The following DOCK7 variants were observed in gnomAD, a reference collection of about 807,000 sequenced individuals.
DOCK7 encodes the protein dedicator of cytokinesis protein 7.
DOCK7 carries 138 observed loss-of-function variants against 271.0 expected under a neutral mutation model. That is an observed-to-expected ratio of 0.51 (90% CI 0.44 to 0.59). DOCK7 has a LOEUF of 0.59. DOCK7 is among the 20% of genes least tolerant of loss of function. The probability of loss-of-function intolerance (pLI) is 0.00; values close to 1 mark genes in which losing one functional copy is unlikely to be tolerated. For missense variants in DOCK7, 2,066 were observed against 2,592.4 expected, an observed-to-expected ratio of 0.80 and a Z score of 4.41; for synonymous variants, 823 against 876.1, an observed-to-expected ratio of 0.94 and a Z score of 1.07.
intron 3 of DOCK7, 84 bp from the exon 4 acceptor site, chr1:62,653,877 C>T (rs181827088): frequency 4.2e-5 from 62 of 1,473,316 alleles, no homozygotes; most frequent in Non-Finnish European, 3.8e-5. Flanking sequence ...TCGCTGTTTG[C>T]GTAACAGGAA....
intron 18 of DOCK7, among the ~76,000 whole-genome samples, chr1:62,575,140 C>T (rs568392988): frequency 2.0e-4 from 31 of 152,250 alleles, no homozygotes; most frequent in African/African-American, 7.2e-4. Flanking sequence ...CTCCAGAACT[C>T]GAGTGATCCT....
rs1259584634 is a variant in DOCK7 at position 62,598,895 on chromosome 1, A to C, written c.1683-12271T>G. The C allele has an allele frequency of 1.2e-5, 10 of 808,344 alleles. No individual in the cohort carries two copies. The Admixed American group carries it at 1.8e-4, about 15-fold the overall frequency. The allele number at this position is 808,344 out of a possible 1,614,324, so 50.1% of individuals were successfully genotyped here. ...AAAATTATTTACAAGCTTTAACTGG[A>C]TCATGAGTAAAATTATCACATCAGC... On this transcript the variant is annotated intron_variant, in intron 14 of 49. Coordinates refer to ENST00000635253, the MANE Select transcript of DOCK7 (RefSeq NM_001367561.1).
chr1:62,500,222 T>A (rs144002409), intron 37 of DOCK7, among the ~76,000 whole-genome samples: 29 of 152,244 alleles, frequency 1.9e-4, no homozygotes, highest in African/African-American at 6.0e-4. Context: ...TGATTTAAAT[T>A]ATACAAAATT....
intron 40 of DOCK7, 86 bp downstream of exon 40, chr1:62,494,189 A>C: frequency 7.9e-7 from 1 of 1,259,406 alleles, no homozygotes; most frequent in Non-Finnish European, 1.1e-6. Flanking sequence ...TTTCCTTATA[A>C]ACTAAAAAAA....
At chr1:62,532,758 T>C (rs1224107991) in intron 29 of DOCK7, among the ~76,000 whole-genome samples, 3 of 152,158 alleles carry the variant, frequency 2.0e-5, no homozygotes, top group Non-Finnish European at 4.4e-5. Context: ...CTGTTCAACA[T>C]TGCTTCAAGA....
intron 25 of DOCK7, among the ~76,000 whole-genome samples, chr1:62,541,232 G>T (rs1413423488): frequency 1.3e-5 from 2 of 151,928 alleles, no homozygotes; most frequent in Admixed American, 1.3e-4. Context: ...TACAAGCTGT[G>T]CATTCTAAGA....
intron 14 of DOCK7, among the ~76,000 whole-genome samples, chr1:62,592,540 G>A (rs1276661310): frequency 6.6e-6 from 1 of 151,910 alleles, no homozygotes; most frequent in African/African-American, 2.4e-5. Context: ...AAAATCTATT[G>A]TTTGTTATAT....
At chr1:62,481,736 T>C (rs965066633) in intron 43 of DOCK7, 3 of 152,212 alleles carry the variant, frequency 2.0e-5, no homozygotes, top group African/African-American at 7.2e-5. Context: ...AAGAAATCCA[T>C]CTACCATGTT....
intron 8 of DOCK7, chr1:62,635,374 T>C (rs983164894): frequency 6.6e-6 from 1 of 152,282 alleles, no homozygotes; most frequent in African/African-American, 2.4e-5. Context: ...CCATCTCTAC[T>C]AAAATACAAA....
At chr1:62,475,124 T>C in intron 47 of DOCK7, 84 bp downstream of exon 47, 4 of 1,419,270 alleles carry the variant, frequency 2.8e-6, no homozygotes, top group Non-Finnish European at 3.7e-6. Context: ...CCTTTTCATC[T>C]GACTTAACAA....
intron 11 of DOCK7, among the ~76,000 whole-genome samples, chr1:62,626,003 A>C (rs1571820758): frequency 6.6e-6 from 1 of 152,210 alleles, no homozygotes; most frequent in Non-Finnish European, 1.5e-5. Flanking sequence ...ATAAAACAAC[A>C]TACAATACAT....
chr1:62,455,231 T>G lies in DOCK7; in HGVS notation c.*183A>C. ...AAGATAACAGCTTGTTACCAGAACA[T>G]TAGAAACCATAGCCATGATTCTCAA... On this transcript the variant is annotated 3_prime_UTR_variant, in exon 50 of 50. Transcript: ENST00000635253. The G allele has an allele frequency of 1.4e-6, 1 of 721,776 alleles. No homozygotes were observed. The highest frequency in any genetic ancestry group is 2.4e-6 in the Non-Finnish European group (1 of 409,164). 44.7% of individuals were successfully genotyped at this position (721,776 alleles called of 1,614,324 possible).
chr1:62,535,192 C>A (rs915830164), intron 29 of DOCK7, among the ~76,000 whole-genome samples: 1 of 152,120 alleles, frequency 6.6e-6, no homozygotes, highest in Non-Finnish European at 1.5e-5. Flanking sequence ...AATCTATCTA[C>A]TAATATGCAT....
chr1:62,672,467 C>T (rs550487612), intron 1 of DOCK7, among the ~76,000 whole-genome samples: 5 of 152,044 alleles, frequency 3.3e-5, no homozygotes, highest in Non-Finnish European at 1.5e-5. Context: ...AGGAATAGAG[C>T]TAAAATTTGA....
At chr1:62,675,247 C>CA (rs1386802980) in intron 1 of DOCK7, among the ~76,000 whole-genome samples, 1 of 151,846 alleles carries the variant, frequency 6.6e-6, no homozygotes, top group Non-Finnish European at 1.5e-5. Context: ...TCTGTCTCTA[C>CA]AAAAAATTAG....
intron 41 of DOCK7, among the ~76,000 whole-genome samples, chr1:62,490,450 G>A (rs1646431518): frequency 6.6e-6 from 1 of 151,996 alleles, no homozygotes; most frequent in African/African-American, 2.4e-5. Flanking sequence ...AGAGAGAGAT[G>A]TTTTCCAAAA....
At chr1:62,579,597 G>A (rs1647049436) in intron 16 of DOCK7, among the ~76,000 whole-genome samples, 1 of 150,752 alleles carries the variant, frequency 6.6e-6, no homozygotes, top group Admixed American at 6.6e-5. Flanking sequence ...AGCTACTTGG[G>A]AGGCCGAGAT....
rs1040055228 is a variant in DOCK7, at chr1:62,600,342, T to C, written c.1683-13718A>G. On this transcript the variant is annotated intron_variant, in intron 14 of 49. Transcript: ENST00000635253. ...ACTTTAAGATCACATAGTTACTTAGTAGAAAAGAGTAATACCCAGCAAGCA... is the reference window on the plus strand; with the variant it reads ...ACTTTAAGATCACATAGTTACTTAGCAGAAAAGAGTAATACCCAGCAAGCA... Among the ~76,000 whole-genome samples, 6 of 151,866 alleles carry C rather than the reference T, an allele frequency of 4.0e-5. No individual in the cohort carries two copies. In the Middle Eastern group the frequency reaches 0.01, roughly 258 times the overall value.
intron 16 of DOCK7, among the ~76,000 whole-genome samples, chr1:62,580,759 A>T (rs923435187): frequency 6.6e-6 from 1 of 152,196 alleles, no homozygotes; most frequent in East Asian, 1.9e-4. Context: ...GCTATAAAAC[A>T]GGGGTTGGCA....
Sources: allele counts gnomAD v4.1 joint callset (sites outside exome capture counted in the v4.1 genomes callset), GRCh38; gene constraint gnomAD v4.1.1; transcripts MANE v1.5; gene names NCBI Gene and HGNC (gene_info 2026-07-23, HGNC 2026-07-21).